Variants in FHIT observed in about 807,000 individuals in gnomAD.
FHIT encodes fragile histidine triad diadenosine triphosphatase.
Under a neutral mutation model 17.9 loss-of-function variants are expected in FHIT, and 19 were observed. That is an observed-to-expected ratio of 1.06 (90% CI 0.74 to 1.56). FHIT has a LOEUF of 1.56. Ranked by LOEUF, FHIT falls within the 40% of genes most tolerant of loss-of-function variation. The pLI is 0.00. For missense variants in FHIT, 248 were observed against 189.2 expected (o/e 1.31, Z -1.82); for synonymous variants, 81 against 69.7 (o/e 1.16, Z -0.81).
intron 4 of FHIT, among the ~76,000 whole-genome samples, chr3:60,540,321 G>T (rs1355450307): frequency 6.6e-6 from 1 of 152,180 alleles, no homozygotes. Context: ...GTATTTCCCT[G>T]AATTCTTTGA....
chr3:60,859,228 G>C (rs1279065100), intron 3 of FHIT, among the ~76,000 whole-genome samples: 2 of 152,078 alleles, frequency 1.3e-5, no homozygotes, highest in African/African-American at 4.8e-5. Flanking sequence ...GTTCATCTCT[G>C]GGCTCCTCAT....
chr3:60,572,135 C>T (rs887126682), intron 4 of FHIT, among the ~76,000 whole-genome samples: 4 of 152,030 alleles, frequency 2.6e-5, no homozygotes, highest in Non-Finnish European at 5.9e-5. Flanking sequence ...CCCATCAAGA[C>T]CTAATCAACC....
chr3:60,091,051 T>C (rs755913485), intron 5 of FHIT, among the ~76,000 whole-genome samples: 6 of 152,192 alleles, frequency 3.9e-5, no homozygotes, highest in Non-Finnish European at 7.3e-5. Context: ...AGCTCACTGA[T>C]GCAGAAGCAG....
rs1703863293 is a variant in FHIT, at chr3:60,861,251, A to AT, written c.-110-39241_-110-39240insA. ...TATGATATATCATATCATATATGAT[A>AT]CATATGATATATCATATCATATATC... On this transcript the variant is annotated intron_variant, in intron 3 of 9. Coordinates refer to ENST00000492590, the MANE Select transcript of FHIT (RefSeq NM_002012.4). Among the ~76,000 whole-genome samples, 4 of 84,854 alleles carry AT rather than the reference A, an allele frequency of 4.7e-5. No individual in the cohort carries two copies. The East Asian group carries it at 9.4e-4, about 20-fold the overall frequency. The allele number at this position is 84,854 out of a possible 152,430, so 55.7% of individuals were successfully genotyped here. A position where few individuals can be genotyped will look rare whatever the true frequency, so the allele number is the denominator to read the frequency against.
At chr3:60,494,222 A>G (rs2034194092) in intron 5 of FHIT, among the ~76,000 whole-genome samples, 1 of 151,620 alleles carries the variant, frequency 6.6e-6, no homozygotes, top group Non-Finnish European at 1.5e-5. Flanking sequence ...CCCACTACCC[A>G]CTCCTAACCC....
chr3:61,089,666 G>A (rs558636155), intron 2 of FHIT, among the ~76,000 whole-genome samples: 1 of 152,288 alleles, frequency 6.6e-6, no homozygotes, highest in African/African-American at 2.4e-5. Context: ...TCTGGGGCAA[G>A]GAGAGATGAA....
intron 5 of FHIT, among the ~76,000 whole-genome samples, chr3:60,019,944 C>A (rs573089509): frequency 1.3e-5 from 2 of 152,120 alleles, no homozygotes; most frequent in Admixed American, 6.5e-5. Flanking sequence ...GCAGAATAAT[C>A]GACCACAGAA....
At chr3:60,074,553 T>C (rs966064211) in intron 5 of FHIT, among the ~76,000 whole-genome samples, 2 of 152,036 alleles carry the variant, frequency 1.3e-5, no homozygotes, top group Non-Finnish European at 2.9e-5. Flanking sequence ...TGAGTTTCTG[T>C]CTCAAAGGTA....
chr3:60,968,801 C>T (rs1202944318), intron 3 of FHIT, among the ~76,000 whole-genome samples: 1 of 151,956 alleles, frequency 6.6e-6, no homozygotes, highest in Non-Finnish European at 1.5e-5. Flanking sequence ...ATGTGTTTGT[C>T]AATTTTTTCC....
chr3:61,229,704 G>A (rs1422069352), intron 1 of FHIT, among the ~76,000 whole-genome samples: 1 of 152,166 alleles, frequency 6.6e-6, no homozygotes, highest in African/African-American at 2.4e-5. Context: ...TAAGTTTTCA[G>A]TACATAATAG....
At chr3:60,698,370 C>T (rs2041162348) in intron 4 of FHIT, among the ~76,000 whole-genome samples, 1 of 152,104 alleles carries the variant, frequency 6.6e-6, no homozygotes, top group Non-Finnish European at 1.5e-5. Context: ...TTGTCCCATA[C>T]CTTCAGTCAT....
intron 5 of FHIT, among the ~76,000 whole-genome samples, chr3:60,109,827 T>A (rs1251077596): frequency 1.3e-5 from 2 of 152,186 alleles, no homozygotes; most frequent in Non-Finnish European, 2.9e-5. Flanking sequence ...CTCCTCTTAG[T>A]TGGCTACTGA....
Position 59,826,242 on chromosome 3 carries a change from T to C in FHIT, c.349-73921A>G, listed in dbSNP as rs542108576. ...AGGTGATTCTCCCACCTCAGCCTCC[T>C]GAGTAGCTGGGACTACAGTTGCGCA... On this transcript the variant is annotated intron_variant, in intron 8 of 9. Coordinates refer to ENST00000492590, the MANE Select transcript of FHIT (RefSeq NM_002012.4). Among the ~76,000 whole-genome samples, 9 of 152,264 alleles carry C rather than the reference T, an allele frequency of 5.9e-5. No homozygotes were observed. In the East Asian group the frequency reaches 9.7e-4, roughly 16 times the overall value.
intron 2 of FHIT, among the ~76,000 whole-genome samples, chr3:61,056,800 G>C (rs2034239572): frequency 6.6e-6 from 1 of 152,168 alleles, no homozygotes; most frequent in Admixed American, 6.5e-5. Context: ...AATAGTTCAA[G>C]TGTATTCTGC....
At chr3:60,765,125 G>T (rs1553721045) in intron 4 of FHIT, among the ~76,000 whole-genome samples, 1 of 152,172 alleles carries the variant, frequency 6.6e-6, no homozygotes. Context: ...GTTACCGGGA[G>T]ATTGAAACAA....
In FHIT at chr3:60,146,045, A is replaced by G. The variant is rs138388019; in HGVS notation, c.104-131893T>C. Among the ~76,000 whole-genome samples, 617 of 152,258 alleles carry G rather than the reference A, an allele frequency of 4.1e-3. 3 individuals are homozygous for G. Among genetic ancestry groups the G allele is most frequent in the Middle Eastern group, 0.01 (3 of 294 alleles). On this transcript the variant is annotated intron_variant, in intron 5 of 9. Transcript: ENST00000492590. ...CCTCATATTTTCTAATCTACACCATAAAGGGAAGATGTTTATCATAATGGC... is the reference window on the plus strand; with the variant it reads ...CCTCATATTTTCTAATCTACACCATGAAGGGAAGATGTTTATCATAATGGC...
chr3:60,969,919 C>T (rs7651882), intron 3 of FHIT, among the ~76,000 whole-genome samples: 44,967 of 151,968 alleles, frequency 0.3, 7,383 homozygotes, highest in African/African-American at 0.45. Flanking sequence ...GGCTGGAGTG[C>T]AGTGGCATGA....
chr3:61,145,989 T>C (rs2037216268), intron 2 of FHIT, among the ~76,000 whole-genome samples: 2 of 152,166 alleles, frequency 1.3e-5, no homozygotes, highest in African/African-American at 2.4e-5. Flanking sequence ...TGTATGCTAC[T>C]ACTGTACCAC....
At chr3:60,134,828 A>G (rs1375345645) in intron 5 of FHIT, among the ~76,000 whole-genome samples, 4 of 152,020 alleles carry the variant, frequency 2.6e-5, no homozygotes, top group African/African-American at 9.7e-5. Context: ...CTCCTTAGAC[A>G]CTCTGTGGTG....
Sources: gnomAD v4.1 joint callset for allele counts (sites outside exome capture counted in the v4.1 genomes callset) on GRCh38, gnomAD v4.1.1 for gene constraint, MANE v1.5 for transcripts, NCBI Gene and HGNC (gene_info 2026-07-23, HGNC 2026-07-21) for gene names.